The following FERMT2 variants were observed in gnomAD, a reference collection of about 807,000 sequenced individuals.
FERMT2 encodes the protein FERM domain containing kindlin 2.
In FERMT2, 15 loss-of-function variants were observed where a neutral mutation model predicts 82.7. The ratio of observed to expected loss-of-function variants is 0.18; its 90% CI spans 0.12 to 0.28. The LOEUF (loss-of-function observed/expected upper bound fraction) is 0.28, where lower values mean the gene tolerates loss of function less well. Among genes scored for constraint, FERMT2 ranks in the 10% least tolerant of loss-of-function variants. The probability of loss-of-function intolerance (pLI) is 1.00; values close to 1 mark genes in which losing one functional copy is unlikely to be tolerated. For missense variants in FERMT2, 645 were observed against 809.4 expected (o/e 0.80, Z 2.46); for synonymous variants, 274 against 271.5 (o/e 1.01, Z -0.09).
intron 4 of FERMT2, among the ~76,000 whole-genome samples, chr14:52,890,161 G>A (rs933189907): frequency 6.6e-5 from 10 of 151,254 alleles, no homozygotes; most frequent in African/African-American, 1.2e-4. Flanking sequence ...GGCTGGGTGC[G>A]GTGGCTCACG....
chr14:52,885,828 T>A (rs1886568814), intron 4 of FERMT2, among the ~76,000 whole-genome samples: 1 of 152,082 alleles, frequency 6.6e-6, no homozygotes. Flanking sequence ...CCATATTTTA[T>A]CAAAAGAATT....
At chr14:52,887,483 TA>T (rs199841060) in intron 4 of FERMT2, among the ~76,000 whole-genome samples, 9 of 148,230 alleles carry the variant, frequency 6.1e-5, no homozygotes, top group Non-Finnish European at 4.5e-5. Context: ...CCCTGTCCCT[TA>T]AAAAAAAAAG....
At chr14:52,917,223 G>C (rs571913485) in intron 3 of FERMT2, among the ~76,000 whole-genome samples, 1 of 152,058 alleles carries the variant, frequency 6.6e-6, no homozygotes, top group Non-Finnish European at 1.5e-5. Context: ...TACCTACGTG[G>C]TAATGGCAAT....
chr14:52,913,528 G>A (rs1888442563), intron 3 of FERMT2, among the ~76,000 whole-genome samples: 1 of 152,184 alleles, frequency 6.6e-6, no homozygotes, highest in Non-Finnish European at 1.5e-5. Flanking sequence ...CCAACTGCCT[G>A]CACTCTATCT....
intron 3 of FERMT2, among the ~76,000 whole-genome samples, chr14:52,894,474 TAAAAA>T (rs1009330632): frequency 1.3e-5 from 2 of 152,128 alleles, no homozygotes; most frequent in African/African-American, 4.8e-5. Flanking sequence ...AAGACATTCT[TAAAAA>T]GAACAAAATT....
Position 52,950,447 on chromosome 14 carries a change from A to G in FERMT2, c.122T>C (p.Ile41Thr). 1 of 1,613,930 alleles carries G rather than the reference A, an allele frequency of 6.2e-7. No homozygotes were observed. The highest frequency in any genetic ancestry group is 8.5e-7 in the Non-Finnish European group (1 of 1,179,958). ...CACCAGCTTAAGCATCACGCCTCCA[A>G]TGTGCACCTCGCCGGTCACTCTCAG... ...VTLRVTGEVH[I>T]GGVMLKLVEK... is the part of the protein sequence containing the mutation. Residue 41 changes from isoleucine to threonine, a missense_variant, in exon 2 of 15, where the codon ATT becomes ACT. Ile to Thr is a moderately conservative substitution (Grantham distance 89). Coordinates refer to ENST00000341590, the MANE Select transcript of FERMT2 (RefSeq NM_006832.3).
rs113966482 is a variant in FERMT2 at position 52,888,915 on chromosome 14, T to C, written c.526+4378A>G. Among the ~76,000 whole-genome samples, 709 of 152,356 alleles carry C rather than the reference T, an allele frequency of 4.7e-3. 7 individuals are homozygous for C. The highest frequency in any genetic ancestry group is 0.016 in the African/African-American group (655 of 41,590). On this transcript the variant is annotated intron_variant, in intron 4 of 14. Transcript: ENST00000341590. ...CTACAAAAATTAAGTAAAAGCTAGG[T>C]TGTGGCATCTCTGGCCACTGACGTA...
At chr14:52,881,718 C>T (rs1224595917) in intron 4 of FERMT2, 3 of 1,277,816 alleles carry the variant, frequency 2.3e-6, no homozygotes, top group Admixed American at 2.6e-5. Context: ...AAAATCAGTT[C>T]AAGAGAATTA....
intron 2 of FERMT2, among the ~76,000 whole-genome samples, chr14:52,931,302 A>C (rs2139674015): frequency 6.6e-6 from 1 of 152,350 alleles, no homozygotes; most frequent in East Asian, 1.9e-4. Flanking sequence ...CCAACATTAA[A>C]CGTGAAAGAT....
In FERMT2 at chr14:52,860,360, T is replaced by C; in HGVS notation, c.1708A>G (p.Ile570Val). 1 of 1,614,032 alleles carries C rather than the reference T, an allele frequency of 6.2e-7. No individual in the cohort carries two copies. The highest frequency in any genetic ancestry group is 8.5e-7 in the Non-Finnish European group (1 of 1,179,952). The change falls in exon 13 of 15, where the codon ATC (isoleucine) becomes GTC (valine). Residue 570 changes from isoleucine to valine, a missense_variant. Coordinates refer to ENST00000341590, the MANE Select transcript of FERMT2 (RefSeq NM_006832.3). Reference sequence around the variant, plus strand: ...ACTGACCTTGCAATGAAGTGAGTGATGCCAAATTCAGGTAGTGACTGCCAA... The same window carrying C: ...ACTGACCTTGCAATGAAGTGAGTGACGCCAAATTCAGGTAGTGACTGCCAA... ...QAWQSLPEFGITHFIARFQGG... is the reference protein window; with the variant it reads ...QAWQSLPEFGVTHFIARFQGG...
intron 14 of FERMT2, 111 bp from the exon 15 acceptor site, chr14:52,858,661 C>A: frequency 1.1e-6 from 1 of 924,076 alleles, no homozygotes; most frequent in East Asian, 2.5e-5. Context: ...CTTGTTGATC[C>A]TCAAATGATC....
chr14:52,860,285 T>C (rs1245917524), intron 13 of FERMT2, 56 bp downstream of exon 13: 4 of 1,553,804 alleles, frequency 2.6e-6, no homozygotes, highest in African/African-American at 1.4e-5. Flanking sequence ...TTACATGAGG[T>C]AGATTAAGCA....
chr14:52,868,116 C>T (rs1462146430), intron 10 of FERMT2, among the ~76,000 whole-genome samples: 3 of 152,148 alleles, frequency 2.0e-5, no homozygotes, highest in Admixed American at 6.5e-5. Flanking sequence ...TCTTCTGCGA[C>T]TACCTCTCAT....
rs58196631 is a variant in FERMT2 at position 52,934,069 on chromosome 14, C to T, written c.158-14713G>A. Reference sequence around the variant, plus strand: ...TGAATGATATAATTCATTTATGTAACTAATTTCCCCACTAGATTAAGTCTT... The same window carrying T: ...TGAATGATATAATTCATTTATGTAATTAATTTCCCCACTAGATTAAGTCTT... On this transcript the variant is annotated intron_variant, in intron 2 of 14. Transcript: ENST00000341590. 6.4e-3 allele frequency among the ~76,000 whole-genome samples: 977 copies of T among 152,286 alleles called. 12 individuals carry two copies. The highest frequency in any genetic ancestry group is 0.022 in the African/African-American group (927 of 41,550).
intron 10 of FERMT2, among the ~76,000 whole-genome samples, chr14:52,865,670 T>C (rs184460292): frequency 2.0e-5 from 3 of 152,314 alleles, no homozygotes; most frequent in Non-Finnish European, 2.9e-5. Context: ...GATCATGCAG[T>C]AGGCTCTACG....
chr14:52,864,880 G>C (rs1230277540), intron 10 of FERMT2, 27 bp from the exon 11 acceptor site: 1 of 1,285,138 alleles, frequency 7.8e-7, no homozygotes, highest in Non-Finnish European at 1.1e-6. Context: ...TTATTAAAAT[G>C]GCTAAATTTA....
chr14:52,943,662 G>A (rs550686579), intron 2 of FERMT2, among the ~76,000 whole-genome samples: 1 of 151,540 alleles, frequency 6.6e-6, no homozygotes, highest in Non-Finnish European at 1.5e-5. Flanking sequence ...AGGAATCAAA[G>A]GTTATGAGTA....
chr14:52,932,691 T>A (rs1889645086), intron 2 of FERMT2, among the ~76,000 whole-genome samples: 1 of 152,212 alleles, frequency 6.6e-6, no homozygotes, highest in Non-Finnish European at 1.5e-5. Flanking sequence ...TGGAATAACT[T>A]CTGAGTCATT....
chr14:52,873,073 G>A, intron 9 of FERMT2, 150 bp from the exon 10 acceptor site: 1 of 660,262 alleles, frequency 1.5e-6, no homozygotes. Context: ...TTATTAGTCA[G>A]TGCTACTGTT....
Sources: gnomAD v4.1 joint callset for allele counts (sites outside exome capture counted in the v4.1 genomes callset) on GRCh38, gnomAD v4.1.1 for gene constraint, MANE v1.5 for transcripts, NCBI Gene and HGNC (gene_info 2026-07-23, HGNC 2026-07-21) for gene names.